Variants in KIF1B observed in about 807,000 individuals in gnomAD.
KIF1B encodes kinesin family member 1B.
A neutral mutation model predicts 241.9 loss-of-function variants in KIF1B; 76 were observed. The ratio of observed to expected loss-of-function variants is 0.31; its 90% CI spans 0.26 to 0.38. The LOEUF (loss-of-function observed/expected upper bound fraction) is 0.38. Among genes scored for constraint, KIF1B ranks in the 10% least tolerant of loss-of-function variants. The pLI, the probability that KIF1B is intolerant of heterozygous loss-of-function variation, is 1.00. For missense variants in KIF1B, 1,622 were observed against 2,271.4 expected (o/e 0.71, Z 5.81); for synonymous variants, 750 against 796.7 (o/e 0.94, Z 0.99).
intron 19 of KIF1B, 66 bp downstream of exon 19, chr1:10,295,832 A>T: frequency 1.5e-6 from 2 of 1,324,940 alleles, no homozygotes; most frequent in Non-Finnish European, 2.2e-6. Flanking sequence ...AATCCTTAAG[A>T]CTTTGTATTC....
At position 10,223,126 on chromosome 1, in the gene KIF1B, C is replaced by T. The variant is rs540481638; in HGVS notation, c.-79-9124C>T. ...AATTAGCCAGGTGTGGTGGCACGCACCTGTAGTCCCAGCTACTCGGGAGGC... is the reference window on the plus strand; with the variant it reads ...AATTAGCCAGGTGTGGTGGCACGCATCTGTAGTCCCAGCTACTCGGGAGGC... On this transcript the variant is annotated intron_variant, in intron 1 of 48. Coordinates refer to ENST00000676179, the MANE Select transcript of KIF1B (RefSeq NM_001365951.3). Among the ~76,000 whole-genome samples, 8 of 147,500 alleles carry T rather than the reference C, an allele frequency of 5.4e-5. No individual in the cohort carries two copies. The South Asian group carries it at 1.8e-3, about 33-fold the overall frequency.
intron 41 of KIF1B, among the ~76,000 whole-genome samples, chr1:10,363,789 C>T (rs995942704): frequency 3.3e-5 from 5 of 152,130 alleles, no homozygotes; most frequent in South Asian, 4.1e-4. Context: ...TCTAGCTAGG[C>T]GGAGTTAAGC....
At chr1:10,215,138 TTATATATATATATATATATATA>T (rs1162229178) in intron 1 of KIF1B, among the ~76,000 whole-genome samples, 2 of 59,562 alleles carry the variant, frequency 3.4e-5, no homozygotes, top group Non-Finnish European at 5.6e-5. Context: ...TTTATATATT[TTATATATATATATATATATATA>T]TATATATATA....
At chr1:10,301,228 A>G (rs2102266518) in intron 22 of KIF1B, among the ~76,000 whole-genome samples, 1 of 152,338 alleles carries the variant, frequency 6.6e-6, no homozygotes, top group South Asian at 2.1e-4. Context: ...TTTCAAGCAA[A>G]CAAACTCTTC....
chr1:10,273,173 C>T, intron 10 of KIF1B, 142 bp downstream of exon 10: 2 of 590,796 alleles, frequency 3.4e-6, no homozygotes, highest in South Asian at 2.8e-5. Context: ...TTTAGAGTGG[C>T]TGTAAATTTA....
chr1:10,337,392 T>C lies in KIF1B; in HGVS notation c.3281T>C (p.Leu1094Pro). The C allele has an allele frequency of 6.2e-7, 1 of 1,614,234 alleles. No individual in the cohort carries two copies. Among genetic ancestry groups the C allele is most frequent in the East Asian group, 2.2e-5 (1 of 44,894 alleles). ...TTAGATTTGAAGTCAAGCACTTTGCTGGATGGTAAGATGGTAATGGAAGGG... is the reference window on the plus strand; with the variant it reads ...TTAGATTTGAAGTCAAGCACTTTGCCGGATGGTAAGATGGTAATGGAAGGG... ...NDLDLKSSTLLDGKMVMEGFS... is the reference protein window; with the variant it reads ...NDLDLKSSTLPDGKMVMEGFS... The change falls in exon 31 of 49, where the codon CTG becomes CCG. Residue 1094 changes from leucine (L) to proline (P), a missense_variant. Transcript: ENST00000676179. This position sits in a 1 kb window ranked among gnomAD's most constrained non-coding sequence, Gnocchi z 4.0.
rs759806939 is a variant in KIF1B, at chr1:10,276,372, A to G, written c.1010A>G (p.Asn337Ser). The G allele has an allele frequency of 1.2e-6, 2 of 1,613,886 alleles. No homozygotes were observed. The highest frequency in any genetic ancestry group is 1.7e-6 in the Non-Finnish European group (2 of 1,179,832). ...GCTGCTCTGAGCCCCGCGGATATCAACTACGATGAGACTTTGAGCACTCTG... is the reference window on the plus strand; with the variant it reads ...GCTGCTCTGAGCCCCGCGGATATCAGCTACGATGAGACTTTGAGCACTCTG... ...MVAALSPADI[N>S]YDETLSTLRY... Residue 337 changes from asparagine to serine, a missense_variant, in exon 12 of 49, where the codon AAC (asparagine) becomes AGC (serine). Physicochemically the swap from Asn to Ser is conservative, Grantham distance 46. Around this residue, in one of 7 missense-constraint regions of KIF1B, gnomAD observed 201 missense variants for 301.2 expected, o/e 0.67. Transcript: ENST00000676179.
intron 2 of KIF1B, 92 bp downstream of exon 2, chr1:10,232,526 G>C: frequency 1.1e-6 from 1 of 884,976 alleles, no homozygotes; most frequent in Non-Finnish European, 1.9e-6. Flanking sequence ...ATGAACATCT[G>C]TATGTTAACA....
intron 1 of KIF1B, among the ~76,000 whole-genome samples, chr1:10,212,019 G>A (rs1341625780): frequency 6.6e-6 from 1 of 152,162 alleles, no homozygotes; most frequent in Non-Finnish European, 1.5e-5. Context: ...GAGGACGCAG[G>A]CTGTCATCTT....
intron 22 of KIF1B, chr1:10,306,031 G>GTT: frequency 9.6e-7 from 1 of 1,039,534 alleles, no homozygotes; most frequent in Non-Finnish European, 1.2e-6. Flanking sequence ...TTGTGATTAT[G>GTT]TTTTTTTTTC....
Position 10,374,464 on chromosome 1 carries a change from A to C in KIF1B, c.5095A>C (p.Ser1699Arg), listed in dbSNP as rs757564628. 1 of 1,614,226 alleles carries C rather than the reference A, an allele frequency of 6.2e-7. No homozygotes were observed. Among genetic ancestry groups the C allele is most frequent in the Non-Finnish European group, 8.5e-7 (1 of 1,180,042 alleles). The change falls in exon 46 of 49, where the codon AGC becomes CGC. Residue 1699 changes from serine to arginine, a missense_variant and splice_region_variant. By Grantham distance (110) the Ser-to-Arg change is moderately radical. Transcript: ENST00000676179. The surrounding 1 kb of genome is among the most constrained non-coding windows in gnomAD (Gnocchi z 4.3). Reference sequence around the variant, plus strand: ...TCCAGATATTGAAGAAATTAGACCAAGGTGAGTACTATATTGAGCAGGAAT... The same window carrying C: ...TCCAGATATTGAAGAAATTAGACCACGGTGAGTACTATATTGAGCAGGAAT... ...LVPDIEEIRP[S>R]SVVSKKGYLH... is the part of the protein sequence containing the mutation.
Position 10,374,184 on chromosome 1 carries a change from T to C in KIF1B, c.4947-132T>C. 2 of 918,148 alleles carry C rather than the reference T, an allele frequency of 2.2e-6. No homozygotes were observed. The highest frequency in any genetic ancestry group is 3.6e-6 in the Non-Finnish European group (2 of 558,636). 56.9% of individuals were successfully genotyped at this position (918,148 alleles called of 1,614,324 possible). ...CCAGCTTGTCTCCTCAGCTGAGCTC[T>C]CTGCAACTCAAGTTTGCAGCTGGGG... On this transcript the variant is annotated intron_variant, in intron 45 of 48. Transcript: ENST00000676179. The surrounding 1 kb of genome is among the most constrained non-coding windows in gnomAD (Gnocchi z 4.3).
chr1:10,374,571 T>A lies in KIF1B; in HGVS notation c.5096+106T>A. 1 of 1,326,212 alleles carries A rather than the reference T, an allele frequency of 7.5e-7. No individual in the cohort carries two copies. The highest frequency in any genetic ancestry group is 1.1e-6 in the Non-Finnish European group (1 of 926,336). 82.2% of individuals were successfully genotyped at this position (1,326,212 alleles called of 1,614,324 possible). A position where few individuals can be genotyped will look rare whatever the true frequency, so the allele number is the denominator to read the frequency against. On this transcript the variant is annotated intron_variant, in intron 46 of 48. Transcript: ENST00000676179. This position sits in a 1 kb window ranked among gnomAD's most constrained non-coding sequence, Gnocchi z 4.3. ...AGGTCTGTACTGTAGTCTGATGCAATCTGTACTGTAGTCTGATGCAAGTTG... is the reference window on the plus strand; with the variant it reads ...AGGTCTGTACTGTAGTCTGATGCAAACTGTACTGTAGTCTGATGCAAGTTG...
At chr1:10,304,689 G>A (rs747156560) in intron 22 of KIF1B, 1 of 1,609,642 alleles carries the variant, frequency 6.2e-7, no homozygotes, top group Non-Finnish European at 8.5e-7. Context: ...GGAAGAAACA[G>A]ACAGTGTTAG....
At chr1:10,376,099 G>T (rs900119380) in intron 48 of KIF1B, among the ~76,000 whole-genome samples, 2 of 151,988 alleles carry the variant, frequency 1.3e-5, no homozygotes, top group African/African-American at 4.8e-5. Context: ...CACCACATCT[G>T]GCTTGAAAGG....
intron 22 of KIF1B, chr1:10,306,922 T>A (rs1447521605): frequency 9.6e-7 from 1 of 1,046,630 alleles, no homozygotes; most frequent in African/African-American, 1.7e-5. Flanking sequence ...AATGAGTTAC[T>A]CTCCACTGGT....
intron 44 of KIF1B, among the ~76,000 whole-genome samples, chr1:10,370,555 C>A (rs974189308): frequency 6.7e-6 from 1 of 148,166 alleles, no homozygotes; most frequent in Non-Finnish European, 1.5e-5. Flanking sequence ...CATAGCAAGA[C>A]CTTATCTCGA....
chr1:10,247,353 G>A (rs1647236709), intron 2 of KIF1B, among the ~76,000 whole-genome samples: 1 of 152,172 alleles, frequency 6.6e-6, no homozygotes, highest in South Asian at 2.1e-4. Flanking sequence ...GTGGCAGCTT[G>A]TTTGCTTTTA....
chr1:10,346,563 C>T lies in KIF1B; in HGVS notation c.3797+610C>T, dbSNP rs535248018. Among the ~76,000 whole-genome samples the T allele has an allele frequency of 1.2e-3, 185 of 152,174 alleles. 3 individuals carry two copies. Among genetic ancestry groups the T allele is most frequent in the Non-Finnish European group, 1.6e-3 (107 of 68,004 alleles). On this transcript the variant is annotated intron_variant, in intron 35 of 48. Coordinates refer to ENST00000676179, the MANE Select transcript of KIF1B (RefSeq NM_001365951.3). ...TATTTTTAGTAGAGGCAGGGTTTCA[C>T]CATGTTGGCCAGGCTGGTCTCGAAC... is the stretch of plus-strand genomic sequence containing the variant.
Sources: allele counts gnomAD v4.1 joint callset (sites outside exome capture counted in the v4.1 genomes callset), GRCh38; gene constraint gnomAD v4.1.1; regional missense constraint gnomAD v4.1.1; non-coding constraint Gnocchi (gnomAD v3.1); transcripts MANE v1.5; gene names NCBI Gene and HGNC (gene_info 2026-07-23, HGNC 2026-07-21).